Variants in GMPS observed in about 807,000 individuals in gnomAD.
The protein encoded by GMPS is GMP synthase [glutamine-hydrolyzing].
In GMPS, 15 loss-of-function variants were observed where a neutral mutation model predicts 77.9. The ratio of observed to expected loss-of-function variants is 0.19; its 90% confidence interval spans 0.13 to 0.30. The LOEUF (loss-of-function observed/expected upper bound fraction) is 0.30. GMPS is among the 10% of genes least tolerant of loss of function. The probability of loss-of-function intolerance (pLI) is 1.00; values close to 1 mark genes in which losing one functional copy is unlikely to be tolerated. For synonymous variants in GMPS, 224 were observed against 275.9 expected (o/e 0.81, Z 1.86); for missense variants, 590 against 838.8 (o/e 0.70, Z 3.66).
At position 155,942,038 on chromosome 3, in the gene GMPS, T is replaced by G. The variant is rs62287810; in HGVS notation, c.*4346T>G. 8.4e-4 allele frequency: 171 copies of G among 203,874 alleles called. 1 individual carries two copies. The highest frequency in any genetic ancestry group is 3.3e-3 in the Middle Eastern group (2 of 598). 12.6% of individuals were successfully genotyped at this position (203,874 alleles called of 1,614,324 possible). ...GGAGTTAAAAAATACAATAACCAGA[T>G]GTCCAATTAAATAAAATTAGAATCT... is the stretch of plus-strand genomic sequence containing the variant. On this transcript the variant is annotated 3_prime_UTR_variant, in exon 16 of 16. Transcript: ENST00000496455.
At chr3:155,900,439 C>CA (rs1249582047) in intron 3 of GMPS, among the ~76,000 whole-genome samples, 1 of 150,900 alleles carries the variant, frequency 6.6e-6, no homozygotes, top group East Asian at 1.9e-4. Flanking sequence ...TCAGAGTACT[C>CA]AGTGTTAATC....
At chr3:155,919,784 C>T (rs1755270883) in intron 10 of GMPS, among the ~76,000 whole-genome samples, 1 of 152,178 alleles carries the variant, frequency 6.6e-6, no homozygotes, top group South Asian at 2.1e-4. Flanking sequence ...ACCACTTATT[C>T]TGTGCAGAGA....
chr3:155,915,371 G>A (rs1168534241), intron 8 of GMPS, among the ~76,000 whole-genome samples: 6 of 151,630 alleles, frequency 4.0e-5, no homozygotes, highest in African/African-American at 1.5e-4. Context: ...CCGAGTAGCT[G>A]GGATTACAGG....
intron 10 of GMPS, 31 bp from the exon 11 acceptor site, chr3:155,922,155 AT>A: frequency 1.3e-6 from 1 of 792,576 alleles, no homozygotes; most frequent in Non-Finnish European, 2.0e-6. Flanking sequence ...TATAACATTA[AT>A]GTTAAATACT....
At chr3:155,928,187 T>G (rs1221042722) in intron 12 of GMPS, among the ~76,000 whole-genome samples, 1 of 151,906 alleles carries the variant, frequency 6.6e-6, no homozygotes, top group East Asian at 1.9e-4. Context: ...CCGCCATACC[T>G]GGATAATTTT....
rs751481913 is a variant in GMPS, at chr3:155,870,803, C to T, written c.-68C>T. On this transcript the variant is annotated 5_prime_UTR_variant, in exon 1 of 16. Transcript: ENST00000496455. ...CTCAACCTCAGCCCGCGGCGCCGAC[C>T]CTTCCGGCACCCTCCCGCCCCGTCT... The T allele has an allele frequency of 3.2e-3, 3,586 of 1,117,020 alleles. 11 individuals are homozygous for T. Among genetic ancestry groups the T allele is most frequent in the Non-Finnish European group, 4.3e-3 (3,392 of 780,422 alleles). The allele number at this position is 1,117,020 out of a possible 1,614,324, so 69.2% of individuals were successfully genotyped here.
chr3:155,924,822 C>CCAATTCACA lies in GMPS; in HGVS notation c.1435-419_1435-418insCAATTCACA, dbSNP rs1217336645. On this transcript the variant is annotated intron_variant, in intron 11 of 15. Coordinates refer to ENST00000496455, the MANE Select transcript of GMPS (RefSeq NM_003875.3). ...CATGAAAGGTATAGTCTATTCACAA[C>CCAATTCACA]AGGCATTACTAATACCTAGGGATAG... Among the ~76,000 whole-genome samples the CCAATTCACA allele has an allele frequency of 5.1e-4, 78 of 151,952 alleles. 4 individuals carry two copies. Among genetic ancestry groups the CCAATTCACA allele is most frequent in the African/African-American group, 1.8e-3 (75 of 41,404 alleles).
chr3:155,925,619 A>G (rs1299435266), intron 12 of GMPS, among the ~76,000 whole-genome samples: 1 of 152,196 alleles, frequency 6.6e-6, no homozygotes, highest in African/African-American at 2.4e-5. Context: ...TAGGGAGTGA[A>G]TAGTTAATGG....
At chr3:155,882,690 G>A (rs1264430404) in intron 1 of GMPS, among the ~76,000 whole-genome samples, 1 of 152,120 alleles carries the variant, frequency 6.6e-6, no homozygotes, top group African/African-American at 2.4e-5. Flanking sequence ...AGATGCAACA[G>A]AAATAAAATT....
chr3:155,927,920 A>T (rs1383924014), intron 12 of GMPS, among the ~76,000 whole-genome samples: 1 of 151,792 alleles, frequency 6.6e-6, no homozygotes, highest in African/African-American at 2.4e-5. Flanking sequence ...TCTTCTAACC[A>T]ATGGGCATTT....
intron 12 of GMPS, among the ~76,000 whole-genome samples, chr3:155,930,241 G>A (rs1165035082): frequency 6.7e-6 from 1 of 148,208 alleles, no homozygotes; most frequent in South Asian, 2.2e-4. Context: ...ACAAACCTGA[G>A]AAAAACAAGC....
intron 4 of GMPS, 103 bp downstream of exon 4, chr3:155,904,063 A>G: frequency 1.7e-6 from 1 of 597,110 alleles, no homozygotes; most frequent in Non-Finnish European, 2.9e-6. Flanking sequence ...AAACAAAATT[A>G]AGGGTATAGT....
At chr3:155,921,513 T>G (rs1755316064) in intron 10 of GMPS, among the ~76,000 whole-genome samples, 1 of 152,124 alleles carries the variant, frequency 6.6e-6, no homozygotes, top group Admixed American at 6.5e-5. Flanking sequence ...ATACATGGAC[T>G]GTAAAAATAG....
At chr3:155,871,313 T>A (rs907294564) in intron 1 of GMPS, among the ~76,000 whole-genome samples, 1 of 151,920 alleles carries the variant, frequency 6.6e-6, no homozygotes, top group Non-Finnish European at 1.5e-5. Context: ...GGGGGCCCGT[T>A]GTGGCGATCC....
intron 12 of GMPS, among the ~76,000 whole-genome samples, chr3:155,928,623 T>C (rs1313833184): frequency 6.6e-6 from 1 of 151,090 alleles, no homozygotes; most frequent in Non-Finnish European, 1.5e-5. Context: ...GCCATGCTGG[T>C]GCACCGCACC....
intron 1 of GMPS, 138 bp downstream of exon 1, chr3:155,871,035 C>A: frequency 1.4e-6 from 1 of 697,124 alleles, no homozygotes. Context: ...AGCCACGCGT[C>A]GTAGAGTCCC....
chr3:155,888,406 A>G (rs561356288), intron 1 of GMPS, among the ~76,000 whole-genome samples: 1 of 151,910 alleles, frequency 6.6e-6, no homozygotes, highest in African/African-American at 2.4e-5. Context: ...TAGAGACATC[A>G]TTCTGTTCTT....
chr3:155,907,449 T>TGTGGTGA (rs1754922795), intron 5 of GMPS, among the ~76,000 whole-genome samples: 1 of 151,966 alleles, frequency 6.6e-6, no homozygotes, highest in Non-Finnish European at 1.5e-5. Flanking sequence ...ATTAGCCAGG[T>TGTGGTGA]GTGGTGATGC....
At chr3:155,875,383 G>A (rs1045849036) in intron 1 of GMPS, among the ~76,000 whole-genome samples, 3 of 151,730 alleles carry the variant, frequency 2.0e-5, no homozygotes, top group South Asian at 2.1e-4. Flanking sequence ...TGCGCATGCC[G>A]CCGTGCCTGG....
Sources: allele counts gnomAD v4.1 joint callset (sites outside exome capture counted in the v4.1 genomes callset), GRCh38; gene constraint gnomAD v4.1.1; transcripts MANE v1.5; gene names NCBI Gene and HGNC (gene_info 2026-07-23, HGNC 2026-07-21).